INPP4B: variants seen among roughly 807,000 people sequenced by gnomAD.
INPP4B encodes inositol polyphosphate 4-phosphatase type II.
A neutral mutation model predicts 122.5 loss-of-function variants in INPP4B; 55 were observed. The ratio of observed to expected loss-of-function variants is 0.45; its 90% confidence interval spans 0.36 to 0.56. The LOEUF (loss-of-function observed/expected upper bound fraction) is 0.56. Ranked by LOEUF, INPP4B falls within the 20% of genes least tolerant of loss-of-function variation. INPP4B has a pLI of 0.00. For synonymous variants in INPP4B, 403 were observed against 388.7 expected, an observed-to-expected ratio of 1.04 and a Z score of -0.43; for missense variants, 1,000 against 1,097.7, an observed-to-expected ratio of 0.91 and a Z score of 1.26.
intron 10 of INPP4B, among the ~76,000 whole-genome samples, chr4:142,268,875 T>C (rs1744348253): frequency 2.0e-5 from 3 of 152,090 alleles, no homozygotes. Context: ...AAAACTGCCT[T>C]TGTTTTTTTC....
chr4:142,499,704 A>G (rs1823109418), intron 2 of INPP4B, among the ~76,000 whole-genome samples: 1 of 152,170 alleles, frequency 6.6e-6, no homozygotes, highest in African/African-American at 2.4e-5. Context: ...CCATCAACCC[A>G]CAGGAGTCAT....
At chr4:142,069,090 C>T (rs1765404970) in intron 25 of INPP4B, among the ~76,000 whole-genome samples, 1 of 152,170 alleles carries the variant, frequency 6.6e-6, no homozygotes. Context: ...AAGTAAAGCA[C>T]TCCTCAGCAA....
At chr4:142,109,745 T>C (rs947276401) in intron 22 of INPP4B, among the ~76,000 whole-genome samples, 1 of 152,184 alleles carries the variant, frequency 6.6e-6, no homozygotes, top group Non-Finnish European at 1.5e-5. Context: ...CTTCCACACC[T>C]TTAATTATTG....
intron 10 of INPP4B, among the ~76,000 whole-genome samples, chr4:142,266,923 C>A (rs1304790225): frequency 1.3e-5 from 2 of 151,932 alleles, no homozygotes; most frequent in Non-Finnish European, 2.9e-5. Context: ...TTTACACTGA[C>A]AGCAAACTAT....
At chr4:142,779,276 T>G (rs187460210) in intron 1 of INPP4B, among the ~76,000 whole-genome samples, 1 of 152,240 alleles carries the variant, frequency 6.6e-6, no homozygotes, top group East Asian at 1.9e-4. Context: ...TGTTGAATGA[T>G]ATTTTTTAGG....
chr4:142,842,722 T>C (rs998528584), intron 1 of INPP4B, among the ~76,000 whole-genome samples: 2 of 131,650 alleles, frequency 1.5e-5, no homozygotes, highest in Admixed American at 8.5e-5. Context: ...AATATATTAA[T>C]ATATTATAAT....
intron 1 of INPP4B, among the ~76,000 whole-genome samples, chr4:142,829,410 G>A (rs1781836750): frequency 6.6e-6 from 1 of 152,152 alleles, no homozygotes; most frequent in Admixed American, 6.6e-5. Flanking sequence ...AGGTCCCCAG[G>A]ACTGGCTGTG....
intron 1 of INPP4B, among the ~76,000 whole-genome samples, chr4:142,764,376 CT>C (rs1420828733): frequency 6.6e-6 from 1 of 152,014 alleles, no homozygotes; most frequent in Non-Finnish European, 1.5e-5. Context: ...TCATTTCTTG[CT>C]TTACACAATA....
At chr4:142,143,146 G>GT (rs1467475819) in intron 18 of INPP4B, among the ~76,000 whole-genome samples, 5 of 151,968 alleles carry the variant, frequency 3.3e-5, no homozygotes, top group Non-Finnish European at 5.9e-5. Flanking sequence ...CCACTCCTTG[G>GT]TTTTTTACTA....
Position 142,824,320 on chromosome 4 carries a change from C to CTA in INPP4B, c.-254+21888_-254+21889insTA, listed in dbSNP as rs144312014. ...ATTATCTATCTGTCTATCTATCTAT[C>CTA]TCTATCTCTATCTCTATCTCTTTCT... On this transcript the variant is annotated intron_variant, in intron 1 of 25. Transcript: ENST00000262992. Among the ~76,000 whole-genome samples the CTA allele has an allele frequency of 4.4e-3, 542 of 123,402 alleles. 3 individuals are homozygous for CTA. Among genetic ancestry groups the CTA allele is most frequent in the African/African-American group, 0.019 (493 of 25,818 alleles). The allele number at this position is 123,402 out of a possible 152,430, so 81.0% of individuals were successfully genotyped here. A position where few individuals can be genotyped will look rare whatever the true frequency, so the allele number is the denominator to read the frequency against.
chr4:142,403,185 G>T (rs1802212413), intron 6 of INPP4B, 131 bp from the exon 7 acceptor site: 2 of 655,534 alleles, frequency 3.1e-6, no homozygotes, highest in East Asian at 5.1e-5. Context: ...TATTAGAAGA[G>T]ATCTGAATTG....
chr4:142,207,842 T>C (rs1451629227), intron 14 of INPP4B, among the ~76,000 whole-genome samples: 1 of 152,164 alleles, frequency 6.6e-6, no homozygotes, highest in Non-Finnish European at 1.5e-5. Flanking sequence ...AGAATGGTAG[T>C]AAATATGACA....
intron 1 of INPP4B, among the ~76,000 whole-genome samples, chr4:142,751,270 G>A (rs1391193126): frequency 7.5e-6 from 1 of 133,064 alleles, no homozygotes. Flanking sequence ...CAAAGTAATG[G>A]AGTTAACTGT....
chr4:142,116,169 T>A (rs947981040), intron 21 of INPP4B, among the ~76,000 whole-genome samples: 2 of 152,152 alleles, frequency 1.3e-5, no homozygotes, highest in Non-Finnish European at 2.9e-5. Context: ...AAGCAAGTCC[T>A]TTGAGAAATA....
At chr4:142,818,718 T>C (rs1780437792) in intron 1 of INPP4B, among the ~76,000 whole-genome samples, 2 of 152,208 alleles carry the variant, frequency 1.3e-5, no homozygotes, top group South Asian at 2.1e-4. Flanking sequence ...TGCTTACAAC[T>C]CTCTTCTCCT....
rs78755942 is a variant in INPP4B, at chr4:142,391,648, C to T, written c.372+11290G>A. Among the ~76,000 whole-genome samples the T allele has an allele frequency of 5.2e-3, 786 of 152,220 alleles. 6 individuals carry two copies. The highest frequency in any genetic ancestry group is 0.018 in the African/African-American group (740 of 41,540). ...TACTCCTGGAGAAGGAGGATGGCCA[C>T]CTTATCTTTCTTGAGTCCTTAAAGC... On this transcript the variant is annotated intron_variant, in intron 7 of 25. Coordinates refer to ENST00000262992, the MANE Select transcript of INPP4B (RefSeq NM_001101669.3).
chr4:142,478,465 A>G (rs1820088595), intron 2 of INPP4B, among the ~76,000 whole-genome samples: 1 of 152,124 alleles, frequency 6.6e-6, no homozygotes, highest in African/African-American at 2.4e-5. Flanking sequence ...TATTCCTTCA[A>G]TGCCTAGTTG....
At chr4:142,717,595 A>G (rs1763948878) in intron 2 of INPP4B, among the ~76,000 whole-genome samples, 1 of 152,204 alleles carries the variant, frequency 6.6e-6, no homozygotes, top group African/African-American at 2.4e-5. Context: ...TTGCAGGGAC[A>G]TGGATGAAGC....
rs552637716 is a variant in INPP4B at position 142,243,795 on chromosome 4, G to A, written c.689-5784C>T. Reference sequence around the variant, plus strand: ...AATATTCTGAATCATGCATTGTTTGGATGGGGGTGGTAATGAGGAGAAAGT... The same window carrying A: ...AATATTCTGAATCATGCATTGTTTGAATGGGGGTGGTAATGAGGAGAAAGT... On this transcript the variant is annotated intron_variant, in intron 11 of 25. Coordinates refer to ENST00000262992, the MANE Select transcript of INPP4B (RefSeq NM_001101669.3). Among the ~76,000 whole-genome samples the A allele has an allele frequency of 3.3e-5, 5 of 152,094 alleles. No homozygotes were observed. In the East Asian group the frequency reaches 9.6e-4, roughly 29 times the overall value.
Sources: allele counts gnomAD v4.1 joint callset (sites outside exome capture counted in the v4.1 genomes callset), GRCh38; gene constraint gnomAD v4.1.1; transcripts MANE v1.5; gene names NCBI Gene and HGNC (gene_info 2026-07-23, HGNC 2026-07-21).